DISP1: variants seen among roughly 807,000 people sequenced by gnomAD.
DISP1 encodes dispatched RND transporter family member 1.
DISP1 carries 30 observed loss-of-function variants against 37.3 expected under a neutral mutation model. The ratio of observed to expected loss-of-function variants is 0.80; its 90% CI spans 0.60 to 1.09. The LOEUF (loss-of-function observed/expected upper bound fraction) is 1.09, where lower values mean the gene tolerates loss of function less well. Ranked by LOEUF, DISP1 falls within the 50% of genes least tolerant of loss-of-function variation. DISP1 has a pLI of 0.00. For missense variants in DISP1, 1,598 were observed against 1,879.5 expected, an observed-to-expected ratio of 0.85 and a Z score of 2.77; for synonymous variants, 634 against 690.2, an observed-to-expected ratio of 0.92 and a Z score of 1.28.
intron 1 of DISP1, among the ~76,000 whole-genome samples, chr1:222,817,480 A>G (rs568683895): frequency 1.4e-4 from 21 of 152,300 alleles, no homozygotes; most frequent in African/African-American, 4.3e-4. Flanking sequence ...TACGTTCTCA[A>G]TTATCGGCAT....
chr1:222,931,526 A>G (rs1673397273), intron 2 of DISP1, among the ~76,000 whole-genome samples: 1 of 151,926 alleles, frequency 6.6e-6, no homozygotes, highest in African/African-American at 2.4e-5. Context: ...CTCATGGCCT[A>G]AAGACACACC....
chr1:222,981,272 G>T (rs1159559759), intron 3 of DISP1, among the ~76,000 whole-genome samples: 1 of 151,742 alleles, frequency 6.6e-6, no homozygotes, highest in African/African-American at 2.4e-5. Flanking sequence ...AGAGACTTGA[G>T]TTCTCACTAC....
At chr1:222,832,045 C>G (rs773368454) in intron 1 of DISP1, among the ~76,000 whole-genome samples, 1 of 151,756 alleles carries the variant, frequency 6.6e-6, no homozygotes, top group Non-Finnish European at 1.5e-5. Context: ...TTTGGGAGGT[C>G]GAGGTGAGTG....
intron 2 of DISP1, among the ~76,000 whole-genome samples, chr1:222,932,458 G>T (rs1572539591): frequency 6.6e-6 from 1 of 151,946 alleles, no homozygotes; most frequent in East Asian, 1.9e-4. Context: ...AAATGTTTTG[G>T]CTAGTTTTGG....
In DISP1 at chr1:222,858,797, A is replaced by G. The variant is rs973034522; in HGVS notation, c.-159+43719A>G. ...CCACAATGAGATACCATCTAACACA[A>G]TTCAGAGTGGTGATTATTAAAACGT... is the stretch of plus-strand genomic sequence containing the variant. On this transcript the variant is annotated intron_variant, in intron 1 of 8. Transcript: ENST00000675850. Among the ~76,000 whole-genome samples the G allele has an allele frequency of 7.2e-5, 11 of 152,308 alleles. No homozygotes were observed. In the South Asian group the frequency reaches 2.3e-3, roughly 32 times the overall value.
chr1:222,950,641 T>C (rs899267740), intron 3 of DISP1, among the ~76,000 whole-genome samples: 2 of 151,460 alleles, frequency 1.3e-5, no homozygotes, highest in African/African-American at 2.4e-5. Context: ...GAGAACAAGA[T>C]TGTGGGAGCG....
Position 223,003,466 on chromosome 1 carries a change from A to G in DISP1, c.2069A>G (p.Lys690Arg), listed in dbSNP as rs557556931. Reference sequence around the variant, plus strand: ...AGCTGCTGGACAGTGGCTTGCCAGAAGTGCCACAAAGTACTCTTTGCCATT... The same window carrying G: ...AGCTGCTGGACAGTGGCTTGCCAGAGGTGCCACAAAGTACTCTTTGCCATT... ...NKSCWTVACQKCHKVLFAISE... is the reference protein window; with the variant it reads ...NKSCWTVACQRCHKVLFAISE... The change falls in exon 9 of 9, where the codon AAG (lysine) becomes AGG (arginine). Residue 690 changes from lysine (K) to arginine (R), a missense_variant. Physicochemically the swap from Lys to Arg is conservative, Grantham distance 26. Coordinates refer to ENST00000675850, the MANE Select transcript of DISP1 (RefSeq NM_001377229.1). This position sits in a 1 kb window ranked among gnomAD's most constrained non-coding sequence, Gnocchi z 4.3. The G allele has an allele frequency of 1.9e-6, 3 of 1,614,190 alleles. No individual in the cohort carries two copies. Among genetic ancestry groups the G allele is most frequent in the East Asian group, 4.5e-5 (2 of 44,884 alleles).
At chr1:222,973,669 G>GT (rs1349569107) in intron 3 of DISP1, among the ~76,000 whole-genome samples, 1 of 152,164 alleles carries the variant, frequency 6.6e-6, no homozygotes, top group Non-Finnish European at 1.5e-5. Context: ...CTTATTGTAA[G>GT]TCACACTTCA....
intron 2 of DISP1, among the ~76,000 whole-genome samples, chr1:222,939,355 A>G (rs930241030): frequency 8.8e-6 from 1 of 113,014 alleles, no homozygotes; most frequent in Non-Finnish European, 1.7e-5. Context: ...AAGAAAAATA[A>G]TTTTTTTTTT....
At chr1:222,846,814 A>G (rs1667937022) in intron 1 of DISP1, among the ~76,000 whole-genome samples, 1 of 152,264 alleles carries the variant, frequency 6.6e-6, no homozygotes, top group Non-Finnish European at 1.5e-5. Context: ...CCTTGTCCAC[A>G]TGTATACATG....
intron 1 of DISP1, among the ~76,000 whole-genome samples, chr1:222,909,557 G>A (rs1433743719): frequency 6.6e-6 from 1 of 152,184 alleles, no homozygotes; most frequent in African/African-American, 2.4e-5. Context: ...GCACCATGCT[G>A]AGCACTCCAG....
intron 1 of DISP1, among the ~76,000 whole-genome samples, chr1:222,904,421 C>G (rs1273544799): frequency 6.6e-6 from 1 of 151,976 alleles, no homozygotes; most frequent in East Asian, 1.9e-4. Context: ...TTTTCAGTAT[C>G]ATTTAGTACC....
chr1:222,898,988 G>A (rs532419290), intron 1 of DISP1, among the ~76,000 whole-genome samples: 1 of 152,128 alleles, frequency 6.6e-6, no homozygotes, highest in Admixed American at 6.5e-5. Flanking sequence ...CTGGAGAAAA[G>A]AACTAAATAT....
intron 1 of DISP1, among the ~76,000 whole-genome samples, chr1:222,834,694 G>T (rs1434459550): frequency 6.6e-6 from 1 of 152,090 alleles, no homozygotes; most frequent in African/African-American, 2.4e-5. Flanking sequence ...TATTTTTTCA[G>T]ATAGTATCCC....
At chr1:222,948,269 T>C (rs79918695) in intron 3 of DISP1, among the ~76,000 whole-genome samples, 14,508 of 152,276 alleles carry the variant, frequency 0.095, 743 homozygotes, top group South Asian at 0.18. Flanking sequence ...TATCTTAGAA[T>C]GAACACTGAA....
At position 222,826,314 on chromosome 1, in the gene DISP1, G is replaced by C. The variant is rs1664378161; in HGVS notation, c.-159+11236G>C. On this transcript the variant is annotated intron_variant, in intron 1 of 8. Transcript: ENST00000675850. ...CATTAGTCCTTTAAGACTGTAACCT[G>C]ATTATTAGTAATTAGAGCTCTGGGC... Among the ~76,000 whole-genome samples, 6 of 150,594 alleles carry C rather than the reference G, an allele frequency of 4.0e-5. No homozygotes were observed. The South Asian group carries it at 1.3e-3, about 32-fold the overall frequency.
intron 2 of DISP1, among the ~76,000 whole-genome samples, chr1:222,934,495 C>G (rs1673595458): frequency 6.6e-6 from 1 of 152,006 alleles, no homozygotes; most frequent in Non-Finnish European, 1.5e-5. Flanking sequence ...ATTTCTCTGG[C>G]CATAACACTA....
At chr1:222,955,182 G>A (rs1240022215) in intron 3 of DISP1, among the ~76,000 whole-genome samples, 1 of 151,900 alleles carries the variant, frequency 6.6e-6, no homozygotes, top group Non-Finnish European at 1.5e-5. Context: ...TGCCTCCTGA[G>A]TTCATGTGAT....
At position 223,003,509 on chromosome 1, in the gene DISP1, T is replaced by A. The variant is rs1330264273; in HGVS notation, c.2112T>A (p.Ile704=). ...TTGCCATTTCAGAAGCATCTCGAAT[T>A]TTTTTCGAAAAAGTATTGCCATGCA... The part of the protein sequence containing the change: ...VLFAISEASR[I]FFEKVLPCIV... The change falls in exon 9 of 9, where the codon ATT becomes ATA. Residue 704 remains isoleucine, a synonymous_variant. Transcript: ENST00000675850. The surrounding 1 kb of genome is among the most constrained non-coding windows in gnomAD (Gnocchi z 4.3). The A allele has an allele frequency of 1.9e-6, 3 of 1,614,166 alleles. No individual in the cohort carries two copies. The highest frequency in any genetic ancestry group is 2.5e-6 in the Non-Finnish European group (3 of 1,180,036).
Sources: gnomAD v4.1 joint callset for allele counts (sites outside exome capture counted in the v4.1 genomes callset) on GRCh38, gnomAD v4.1.1 for gene constraint, Gnocchi (gnomAD v3.1) non-coding constraint, MANE v1.5 for transcripts, NCBI Gene and HGNC (gene_info 2026-07-23, HGNC 2026-07-21) for gene names.